NAALADL2: variants seen among roughly 807,000 people sequenced by gnomAD.
NAALADL2 encodes the protein N-acetylated alpha-linked acidic dipeptidase like 2.
In NAALADL2, 76 loss-of-function variants were observed where a neutral mutation model predicts 87.2. The ratio of observed to expected loss-of-function variants is 0.87; its 90% CI spans 0.72 to 1.05. NAALADL2 has a LOEUF of 1.05. NAALADL2 is among the 50% of genes least tolerant of loss of function. The pLI is 0.00. For missense variants in NAALADL2, 1,089 were observed against 945.8 expected (o/e 1.15, Z -1.99); for synonymous variants, 354 against 331.0 (o/e 1.07, Z -0.75).
At chr3:175,692,434 A>T (rs1297909183) in intron 11 of NAALADL2, among the ~76,000 whole-genome samples, 1 of 151,708 alleles carries the variant, frequency 6.6e-6, no homozygotes, top group Non-Finnish European at 1.5e-5. Flanking sequence ...TCTAGCCCTC[A>T]CCCATTGTGT....
chr3:175,731,845 T>C (rs1314575711), intron 11 of NAALADL2, among the ~76,000 whole-genome samples: 1 of 152,180 alleles, frequency 6.6e-6, no homozygotes, highest in African/African-American at 2.4e-5. Context: ...TCCTCCTTTT[T>C]CTTTTTTAAT....
chr3:175,765,310 C>A (rs1018701698), intron 13 of NAALADL2, among the ~76,000 whole-genome samples: 1 of 152,064 alleles, frequency 6.6e-6, no homozygotes, highest in East Asian at 1.9e-4. Flanking sequence ...AATTATGTGT[C>A]CCTTTAATAT....
At chr3:175,139,670 C>T (rs569551411) in intron 2 of NAALADL2, among the ~76,000 whole-genome samples, 2 of 137,764 alleles carry the variant, frequency 1.5e-5, no homozygotes, top group African/African-American at 4.9e-5. Flanking sequence ...ATTATTCTAA[C>T]CCTATCTTCA....
At chr3:175,221,863 C>T (rs1454935661) in intron 2 of NAALADL2, among the ~76,000 whole-genome samples, 1 of 151,932 alleles carries the variant, frequency 6.6e-6, no homozygotes, top group South Asian at 2.1e-4. Context: ...CAACTTCCAC[C>T]TCCCAGGTTC....
At position 175,810,381 on chromosome 3, in the gene NAALADL2, T is replaced by A. The variant is rs988574118; in HGVS notation, c.*7178T>A. 6.6e-6 allele frequency: 1 copy of A among 152,038 alleles called. No homozygotes were observed. The highest frequency in any genetic ancestry group is 2.4e-5 in the African/African-American group (1 of 41,424). The allele number at this position is 152,038 out of a possible 1,614,324, so 9.4% of individuals were successfully genotyped here. On this transcript the variant is annotated 3_prime_UTR_variant, in exon 14 of 14. Coordinates refer to ENST00000454872, the MANE Select transcript of NAALADL2 (RefSeq NM_207015.3). ...CATCCATTAAAAATATAAGTGAATA[T>A]TTTATATTTAAGTTGTTTAAATATT... is the stretch of plus-strand genomic sequence containing the variant.
At chr3:175,456,983 T>C (rs1361228978) in intron 6 of NAALADL2, among the ~76,000 whole-genome samples, 1 of 152,070 alleles carries the variant, frequency 6.6e-6, no homozygotes, top group Non-Finnish European at 1.5e-5. Flanking sequence ...TGTTATCTCA[T>C]GAGGATATTC....
At chr3:175,471,547 G>T in intron 8 of NAALADL2, 92 bp from the exon 9 acceptor site, 10 of 685,212 alleles carry the variant, frequency 1.5e-5, no homozygotes, top group African/African-American at 1.9e-5. Flanking sequence ...TTTTAAGTAT[G>T]AAATGAAATG....
intron 3 of NAALADL2, among the ~76,000 whole-genome samples, chr3:174,750,708 A>G (rs962540555): frequency 2.0e-5 from 3 of 152,192 alleles, no homozygotes; most frequent in Admixed American, 1.3e-4. Flanking sequence ...TGCTGGAATT[A>G]CAGGTGTGAG....
chr3:175,040,695 G>A (rs899453754), intron 1 of NAALADL2, among the ~76,000 whole-genome samples: 2 of 152,084 alleles, frequency 1.3e-5, no homozygotes, highest in East Asian at 1.9e-4. Context: ...AAAGTGTTTT[G>A]TAAACTATGA....
chr3:175,503,080 C>T (rs1265965407), intron 9 of NAALADL2, among the ~76,000 whole-genome samples: 1 of 152,020 alleles, frequency 6.6e-6, no homozygotes, highest in Non-Finnish European at 1.5e-5. Flanking sequence ...TCACCTTCCA[C>T]CCACCATCTA....
At chr3:175,710,597 T>TATAC (rs1553956759) in intron 11 of NAALADL2, among the ~76,000 whole-genome samples, 2 of 151,100 alleles carry the variant, frequency 1.3e-5, no homozygotes, top group African/African-American at 4.9e-5. Flanking sequence ...TATATATATA[T>TATAC]ACACATATAT....
intron 1 of NAALADL2, among the ~76,000 whole-genome samples, chr3:174,953,767 C>T (rs1740761870): frequency 6.6e-6 from 1 of 151,938 alleles, no homozygotes; most frequent in Admixed American, 6.6e-5. Flanking sequence ...ACATGACTCC[C>T]AGAACAGCAA....
intron 1 of NAALADL2, among the ~76,000 whole-genome samples, chr3:175,037,498 T>A (rs534179493): frequency 1.6e-4 from 25 of 152,178 alleles, no homozygotes; most frequent in African/African-American, 6.0e-4. Context: ...AATCACAGGG[T>A]GTTCTGACAG....
chr3:175,766,686 T>A (rs1748730687), intron 13 of NAALADL2, among the ~76,000 whole-genome samples: 1 of 152,194 alleles, frequency 6.6e-6, no homozygotes, highest in Non-Finnish European at 1.5e-5. Context: ...CTTTCTGATT[T>A]AATATGATCC....
At chr3:174,858,140 A>T (rs925259429), upstream of NAALADL2, among the ~76,000 whole-genome samples, 9 of 148,126 alleles carry the variant, frequency 6.1e-5, no homozygotes, top group African/African-American at 2.2e-4. Context: ...ATATATTTGA[A>T]TATAATAATA....
chr3:175,570,698 G>T (rs1717932443), intron 9 of NAALADL2, among the ~76,000 whole-genome samples: 1 of 151,932 alleles, frequency 6.6e-6, no homozygotes, highest in Non-Finnish European at 1.5e-5. Context: ...GGCTAACATG[G>T]TGAAACCCTG....
intron 11 of NAALADL2, among the ~76,000 whole-genome samples, chr3:175,627,841 A>G (rs1660673536): frequency 6.6e-6 from 1 of 151,780 alleles, no homozygotes; most frequent in Non-Finnish European, 1.5e-5. Context: ...GTTGTATAAT[A>G]ATATCAAATA....
intron 9 of NAALADL2, among the ~76,000 whole-genome samples, chr3:175,556,650 T>A (rs1296002727): frequency 1.3e-5 from 2 of 152,194 alleles, no homozygotes; most frequent in East Asian, 1.9e-4. Flanking sequence ...CAAAAAAAAA[T>A]CTCAGGAAAG....
chr3:175,169,455 G>A (rs990997109), intron 2 of NAALADL2, among the ~76,000 whole-genome samples: 4 of 98,728 alleles, frequency 4.1e-5, no homozygotes, highest in Admixed American at 3.2e-4. Flanking sequence ...GTAGTTGTAA[G>A]AATATATATA....
Sources: allele counts gnomAD v4.1 joint callset (sites outside exome capture counted in the v4.1 genomes callset), GRCh38; gene constraint gnomAD v4.1.1; transcripts MANE v1.5; gene names NCBI Gene and HGNC (gene_info 2026-07-23, HGNC 2026-07-21).